EVC2: variants seen among roughly 807,000 people sequenced by gnomAD.
The protein encoded by EVC2 is limbin.
A neutral mutation model predicts 149.3 loss-of-function variants in EVC2; 148 were observed. The ratio of observed to expected loss-of-function variants is 0.99; its 90% CI spans 0.87 to 1.14. EVC2 has a LOEUF of 1.14. Ranked by LOEUF, EVC2 falls within the 50% of genes most tolerant of loss-of-function variation. EVC2 has a pLI of 0.00. For synonymous variants in EVC2, 776 were observed against 649.9 expected, an observed-to-expected ratio of 1.19 and a Z score of -2.95; for missense variants, 1,854 against 1,627.3, an observed-to-expected ratio of 1.14 and a Z score of -2.40.
chr4:5,667,846 C>G (rs538485442), intron 7 of EVC2, among the ~76,000 whole-genome samples: 5 of 152,304 alleles, frequency 3.3e-5, no homozygotes, highest in Non-Finnish European at 5.9e-5. Context: ...AGAAAAACAG[C>G]AGGTAATCAG....
intron 7 of EVC2, among the ~76,000 whole-genome samples, chr4:5,674,656 G>A (rs1719877589): frequency 6.6e-6 from 1 of 152,158 alleles, no homozygotes; most frequent in South Asian, 2.1e-4. Flanking sequence ...GAACAGGTAA[G>A]CTAAGAACAG....
intron 9 of EVC2, among the ~76,000 whole-genome samples, chr4:5,642,738 C>T (rs1717430895): frequency 6.6e-6 from 1 of 152,184 alleles, no homozygotes; most frequent in Non-Finnish European, 1.5e-5. Flanking sequence ...CCCCACCCTC[C>T]ACCATGTCAA....
At chr4:5,698,650 A>G (rs559565806) in intron 1 of EVC2, among the ~76,000 whole-genome samples, 2 of 152,348 alleles carry the variant, frequency 1.3e-5, no homozygotes, top group African/African-American at 2.4e-5. Flanking sequence ...CGCTATGTGC[A>G]CTGAGTGAAC....
chr4:5,591,380 AG>A (rs1309767940), intron 16 of EVC2, among the ~76,000 whole-genome samples: 10 of 152,328 alleles, frequency 6.6e-5, no homozygotes, highest in Non-Finnish European at 2.9e-5. Flanking sequence ...ATCATGCTTC[AG>A]CTGACAGAAG....
intron 16 of EVC2, among the ~76,000 whole-genome samples, chr4:5,607,758 C>T (rs2108818219): frequency 6.6e-6 from 1 of 152,178 alleles, no homozygotes; most frequent in East Asian, 1.9e-4. Flanking sequence ...TGCAAACTTC[C>T]AAATGCTTGA....
intron 9 of EVC2, among the ~76,000 whole-genome samples, chr4:5,649,032 A>C (rs1717923676): frequency 6.6e-6 from 1 of 152,224 alleles, no homozygotes; most frequent in Admixed American, 6.5e-5. Context: ...TTAATTATTC[A>C]GACAACAATG....
intron 9 of EVC2, among the ~76,000 whole-genome samples, chr4:5,655,892 G>C (rs796282413): frequency 5.3e-5 from 8 of 152,194 alleles, no homozygotes; most frequent in African/African-American, 1.9e-4. Context: ...ACCCCACAAG[G>C]ATTTCCAGTG....
chr4:5,535,134 T>C, the EVC2 span, among the ~76,000 whole-genome samples: 1 of 152,132 alleles, frequency 6.6e-6, no homozygotes, highest in African/African-American at 2.4e-5. The surrounding 1 kb of genome is among the most constrained non-coding windows in gnomAD (Gnocchi z 4.7). Flanking sequence ...TCAAATCCCC[T>C]GGCTGGTCAC....
chr4:5,619,467 C>T (rs1397098827), intron 14 of EVC2, among the ~76,000 whole-genome samples: 2 of 152,174 alleles, frequency 1.3e-5, no homozygotes, highest in African/African-American at 2.4e-5. Context: ...TTGCCAGCAA[C>T]ACCAGCAGCT....
At chr4:5,682,497 AAAAAAT>A (rs1247444286) in intron 6 of EVC2, among the ~76,000 whole-genome samples, 17 of 150,824 alleles carry the variant, frequency 1.1e-4, no homozygotes, top group Non-Finnish European at 1.9e-4. Flanking sequence ...TCTCAAAAAA[AAAAAAT>A]AATAATAATA....
downstream of EVC2, among the ~76,000 whole-genome samples, chr4:5,538,996 G>A (rs993622540): frequency 6.6e-6 from 1 of 152,078 alleles, no homozygotes; most frequent in Non-Finnish European, 1.5e-5. Context: ...GATTGGAAAG[G>A]AAAATTTAAA....
At chr4:5,642,068 C>CTGAGGA (rs11283176) in intron 9 of EVC2, among the ~76,000 whole-genome samples, 98,920 of 151,200 alleles carry the variant, frequency 0.65, 32,512 homozygotes, top group African/African-American at 0.72. Flanking sequence ...TGTTAGTTTG[C>CTGAGGA]TAAGAGTTTC....
rs955528917 is a variant in EVC2, at chr4:5,696,588, G to A, written c.283+1005C>T. 2.6e-5 allele frequency among the ~76,000 whole-genome samples: 4 copies of A among 152,182 alleles called. No individual in the cohort carries two copies. Among genetic ancestry groups the A allele is most frequent in the South Asian group, 2.1e-4 (1 of 4,826 alleles). ...GGCTCAGGAGCCAGGGACTGCCCGC[G>A]GCATTTTTCCCACCATGGGGAAAGG... On this transcript the variant is annotated intron_variant, in intron 2 of 21. Transcript: ENST00000344408. The surrounding 1 kb of genome is among the most constrained non-coding windows in gnomAD (Gnocchi z 4.1).
intron 13 of EVC2, among the ~76,000 whole-genome samples, chr4:5,623,341 T>TA (rs1560173349): frequency 1.3e-4 from 20 of 151,376 alleles, no homozygotes; most frequent in African/African-American, 4.1e-4. Flanking sequence ...TTTATTTATT[T>TA]TTTTTATTTT....
At chr4:5,587,115 T>C (rs1296302708) in intron 16 of EVC2, among the ~76,000 whole-genome samples, 1 of 152,254 alleles carries the variant, frequency 6.6e-6, no homozygotes, top group Non-Finnish European at 1.5e-5. Context: ...TAAAATTTTC[T>C]ATTGAAGTGA....
In EVC2 at chr4:5,636,580, G is replaced by A. The variant is rs1269071579; in HGVS notation, c.1470+3934C>T. The stretch of plus-strand genomic sequence containing the variant: ...ATTTAAAGTATACAGGAGCATTTGT[G>A]TAGGTTATGTGCAAATACGACACCA... On this transcript the variant is annotated intron_variant, in intron 10 of 21. Transcript: ENST00000344408. This position sits in a 1 kb window ranked among gnomAD's most constrained non-coding sequence, Gnocchi z 4.6. 1.3e-5 allele frequency among the ~76,000 whole-genome samples: 2 copies of A among 152,250 alleles called. No homozygotes were observed. The highest frequency in any genetic ancestry group is 3.9e-4 in the East Asian group (2 of 5,178).
intron 1 of EVC2, among the ~76,000 whole-genome samples, chr4:5,706,321 C>CATACATAG (rs1722132944): frequency 7.5e-5 from 2 of 26,508 alleles, no homozygotes; most frequent in African/African-American, 3.2e-4. Flanking sequence ...TAGATAGATA[C>CATACATAG]ATAGATAGAT....
At chr4:5,529,740 T>G in the EVC2 span, among the ~76,000 whole-genome samples, 1 of 152,148 alleles carries the variant, frequency 6.6e-6, no homozygotes, top group East Asian at 1.9e-4. This position sits in a 1 kb window ranked among gnomAD's most constrained non-coding sequence, Gnocchi z 4.5. Flanking sequence ...TGGAAATTTG[T>G]GTTCCAGAAC....
rs565559317 is a variant in EVC2 at position 5,601,656 on chromosome 4, C to G, written c.2829+13766G>C. ...CAGACTTCTAGATTGGTCAAACTAT[C>G]AGTTGAGTATGAGGGCAGAATAGAA... On this transcript the variant is annotated intron_variant, in intron 16 of 21. Coordinates refer to ENST00000344408, the MANE Select transcript of EVC2 (RefSeq NM_147127.5). 8.5e-5 allele frequency among the ~76,000 whole-genome samples: 13 copies of G among 152,260 alleles called. No individual in the cohort carries two copies. The South Asian group carries it at 2.7e-3, about 32-fold the overall frequency.
Sources: allele counts gnomAD v4.1 joint callset (sites outside exome capture counted in the v4.1 genomes callset), GRCh38; gene constraint gnomAD v4.1.1; non-coding constraint Gnocchi (gnomAD v3.1); transcripts MANE v1.5; gene names NCBI Gene and HGNC (gene_info 2026-07-23, HGNC 2026-07-21).